The following TMBIM4 variants were observed in gnomAD, a reference collection of about 807,000 sequenced individuals.
TMBIM4 encodes protein lifeguard 4.
TMBIM4 carries 28 observed loss-of-function variants against 27.7 expected under a neutral mutation model. The observed-to-expected ratio is 1.01, with a 90% CI of 0.75 to 1.38. TMBIM4 has a LOEUF of 1.38. Ranked by LOEUF, TMBIM4 falls within the 40% of genes most tolerant of loss-of-function variation. TMBIM4 has a pLI of 0.00. For synonymous variants in TMBIM4, 115 were observed against 113.1 expected, an observed-to-expected ratio of 1.02 and a Z score of -0.11; for missense variants, 265 against 277.5, an observed-to-expected ratio of 0.95 and a Z score of 0.32.
chr12:66,142,994 G>A (rs1446636257), intron 5 of TMBIM4, among the ~76,000 whole-genome samples: 1 of 152,164 alleles, frequency 6.6e-6, no homozygotes, highest in Non-Finnish European at 1.5e-5. Context: ...CCCTGGTTAA[G>A]CAGCATGCCC....
intron 5 of TMBIM4, among the ~76,000 whole-genome samples, chr12:66,142,517 A>G (rs778033582): frequency 2.0e-5 from 3 of 151,832 alleles, no homozygotes; most frequent in Middle Eastern, 6.8e-3. Flanking sequence ...CAGCATTTTT[A>G]TGACAGGGCC....
chr12:66,140,738 T>C lies in TMBIM4; in HGVS notation c.465-1969A>G, dbSNP rs559749713. Among the ~76,000 whole-genome samples, 318 of 151,624 alleles carry C rather than the reference T, an allele frequency of 2.1e-3. 6 individuals carry two copies. Among genetic ancestry groups the C allele is most frequent in the Non-Finnish European group, 1.0e-4 (7 of 67,872 alleles). On this transcript the variant is annotated intron_variant, in intron 5 of 6. Coordinates refer to ENST00000358230, the MANE Select transcript of TMBIM4 (RefSeq NM_016056.4). ...CAGCAAGACCCCATCTCTTAAACAATTTTTTTTTCCAAATTTGAGGAAAAC... is the reference window on the plus strand; with the variant it reads ...CAGCAAGACCCCATCTCTTAAACAACTTTTTTTTCCAAATTTGAGGAAAAC...
intron 1 of TMBIM4, among the ~76,000 whole-genome samples, chr12:66,155,218 A>G (rs1296257635): frequency 6.6e-6 from 1 of 152,106 alleles, no homozygotes; most frequent in Non-Finnish European, 1.5e-5. Context: ...GAGAAAAAAA[A>G]TCATATTCTT....
chr12:66,144,207 GA>G (rs988892629), intron 5 of TMBIM4, among the ~76,000 whole-genome samples: 1 of 152,070 alleles, frequency 6.6e-6, no homozygotes, highest in Non-Finnish European at 1.5e-5. Context: ...AGGCAATTTT[GA>G]AAGGGTTCCG....
At chr12:66,147,167 G>C (rs530517168) in intron 4 of TMBIM4, among the ~76,000 whole-genome samples, 2 of 151,910 alleles carry the variant, frequency 1.3e-5, no homozygotes, top group East Asian at 3.9e-4. Flanking sequence ...TTTAAAAAGA[G>C]ATTACAAAAA....
intron 1 of TMBIM4, among the ~76,000 whole-genome samples, chr12:66,157,068 T>G: frequency 6.6e-6 from 1 of 152,200 alleles, no homozygotes; most frequent in Non-Finnish European, 1.5e-5. Context: ...CAATAAAATT[T>G]TAATGCCACA....
At chr12:66,140,236 T>G (rs1175906311) in intron 5 of TMBIM4, among the ~76,000 whole-genome samples, 2 of 151,916 alleles carry the variant, frequency 1.3e-5, no homozygotes, top group East Asian at 3.9e-4. Context: ...AAAAATATAC[T>G]CCCTAGTTCA....
In TMBIM4 at chr12:66,148,030, T is replaced by C. The variant is rs1321289248; in HGVS notation, c.313-89A>G. The C allele has an allele frequency of 4.2e-6, 5 of 1,198,562 alleles. No homozygotes were observed. In the African/African-American group the frequency reaches 6.2e-5, roughly 15 times the overall value. 74.2% of individuals were successfully genotyped at this position (1,198,562 alleles called of 1,614,324 possible). A position where few individuals can be genotyped will look rare whatever the true frequency, so the allele number is the denominator to read the frequency against. The stretch of plus-strand genomic sequence containing the variant: ...TTTCTAGCAGCTTAATGTGATCCCA[T>C]ATGAATGATCTCATTTTAGCTTCAA... On this transcript the variant is annotated intron_variant, in intron 3 of 6. Transcript: ENST00000358230.
intron 4 of TMBIM4, among the ~76,000 whole-genome samples, chr12:66,147,108 A>T (rs1158799357): frequency 6.6e-6 from 1 of 152,078 alleles, no homozygotes; most frequent in Non-Finnish European, 1.5e-5. Context: ...CTCTGTTAAG[A>T]AGCTTCAATC....
At chr12:66,143,384 A>T (rs1036767799) in intron 5 of TMBIM4, among the ~76,000 whole-genome samples, 20 of 152,160 alleles carry the variant, frequency 1.3e-4, no homozygotes, top group African/African-American at 4.8e-4. Context: ...ACAAACAGTG[A>T]TGTACCAGTA....
chr12:66,152,821 C>T (rs552103434), intron 2 of TMBIM4, among the ~76,000 whole-genome samples: 1 of 152,082 alleles, frequency 6.6e-6, no homozygotes, highest in African/African-American at 2.4e-5. Context: ...GACAGAAATT[C>T]TCTACTTCTA....
At chr12:66,158,567 C>T (rs1008107981) in intron 1 of TMBIM4, among the ~76,000 whole-genome samples, 2 of 150,622 alleles carry the variant, frequency 1.3e-5, no homozygotes, top group Non-Finnish European at 3.0e-5. Context: ...ACCAGGGAGT[C>T]GGAGGGAGTC....
chr12:66,152,072 T>G (rs2051853223), intron 3 of TMBIM4, among the ~76,000 whole-genome samples, 199 bp downstream of exon 3: 1 of 152,134 alleles, frequency 6.6e-6, no homozygotes, highest in African/African-American at 2.4e-5. Context: ...ATTCAGCATT[T>G]TTTCCACTAC....
chr12:66,153,299 G>T, intron 2 of TMBIM4, 41 bp downstream of exon 2: 2 of 1,161,690 alleles, frequency 1.7e-6, no homozygotes, highest in Non-Finnish European at 2.5e-6. Flanking sequence ...TTGATCATAT[G>T]CAATGTCTGA....
At chr12:66,166,479 A>AAAAAAG (rs1205730975) in intron 1 of TMBIM4, among the ~76,000 whole-genome samples, 1 of 126,250 alleles carries the variant, frequency 7.9e-6, no homozygotes, top group Admixed American at 7.6e-5. Flanking sequence ...AAAAAAAAAA[A>AAAAAAG]AAAAAGAAAA....
chr12:66,149,864 G>A (rs1396649460), intron 3 of TMBIM4, among the ~76,000 whole-genome samples: 1 of 140,620 alleles, frequency 7.1e-6, no homozygotes, highest in African/African-American at 2.8e-5. Flanking sequence ...CTATCTATCT[G>A]TCTGTCTGTC....
chr12:66,157,946 G>C (rs1261759562), intron 1 of TMBIM4, among the ~76,000 whole-genome samples: 3 of 152,192 alleles, frequency 2.0e-5, no homozygotes, highest in African/African-American at 7.2e-5. Flanking sequence ...AAAAAGATGG[G>C]CCAGGCATGG....
At chr12:66,165,248 C>T (rs1226121671) in intron 1 of TMBIM4, among the ~76,000 whole-genome samples, 1 of 151,896 alleles carries the variant, frequency 6.6e-6, no homozygotes, top group Non-Finnish European at 1.5e-5. Flanking sequence ...CCCCAAATTG[C>T]CAAAACAATA....
chr12:66,155,305 A>G (rs1336838215), intron 1 of TMBIM4, among the ~76,000 whole-genome samples: 2 of 136,384 alleles, frequency 1.5e-5, no homozygotes, highest in Admixed American at 1.5e-4. Context: ...ATACAGGCCC[A>G]CACCAGGATG....
Sources: gnomAD v4.1 joint callset for allele counts (sites outside exome capture counted in the v4.1 genomes callset) on GRCh38, gnomAD v4.1.1 for gene constraint, MANE v1.5 for transcripts, NCBI Gene and HGNC (gene_info 2026-07-23, HGNC 2026-07-21) for gene names.